DENND2B: variants seen among roughly 807,000 people sequenced by gnomAD.
DENND2B encodes DENN domain containing 2B.
A neutral mutation model predicts 116.0 loss-of-function variants in DENND2B; 32 were observed. That is an observed-to-expected ratio of 0.28 (90% confidence interval 0.21 to 0.37). The LOEUF is 0.37. Among genes scored for constraint, DENND2B ranks in the 10% least tolerant of loss-of-function variants. The pLI is 1.00. For synonymous variants in DENND2B, 588 were observed against 583.9 expected (o/e 1.01, Z -0.10); for missense variants, 1,276 against 1,477.7 (o/e 0.86, Z 2.24).
rs1592827565 is a variant in DENND2B at position 8,729,838 on chromosome 11, G to C, written c.1340+112C>G. On this transcript the variant is annotated intron_variant, in intron 3 of 19. Coordinates refer to ENST00000313726, the MANE Select transcript of DENND2B (RefSeq NM_213618.2). ...CACCTAACAATTATTCAGCACTTCA[G>C]AGCTTACGAAGCACTAATGACTGCG... 5.8e-6 allele frequency: 8 copies of C among 1,381,708 alleles called. No homozygotes were observed. In the East Asian group the frequency reaches 1.8e-4, roughly 32 times the overall value. 85.6% of individuals were successfully genotyped at this position (1,381,708 alleles called of 1,614,324 possible).
chr11:8,720,550 T>C (rs990238301), intron 4 of DENND2B, among the ~76,000 whole-genome samples: 8 of 152,194 alleles, frequency 5.3e-5, no homozygotes, highest in African/African-American at 1.9e-4. Flanking sequence ...TCCTGTCTAA[T>C]GTAACAAAGC....
chr11:8,750,401 T>A (rs922380245), intron 2 of DENND2B, among the ~76,000 whole-genome samples: 1 of 152,206 alleles, frequency 6.6e-6, no homozygotes, highest in East Asian at 1.9e-4. Flanking sequence ...CTTAGAATGC[T>A]AGACACAAAG....
intron 1 of DENND2B, among the ~76,000 whole-genome samples, chr11:8,890,251 T>A (rs993150382): frequency 6.6e-6 from 1 of 152,042 alleles, no homozygotes; most frequent in Non-Finnish European, 1.5e-5. Flanking sequence ...TACGTCACCA[T>A]CATCAAAGAC....
intron 15 of DENND2B, 88 bp from the exon 16 acceptor site, chr11:8,699,062 G>A: frequency 1.3e-6 from 2 of 1,574,682 alleles, no homozygotes; most frequent in South Asian, 1.2e-5. Flanking sequence ...AGGTTCCCAG[G>A]GTCAGCTAAC....
chr11:8,717,572 C>T (rs909037297), intron 5 of DENND2B, among the ~76,000 whole-genome samples, 169 bp downstream of exon 5: 1 of 152,178 alleles, frequency 6.6e-6, no homozygotes, highest in Non-Finnish European at 1.5e-5. Flanking sequence ...GAGGAGACCT[C>T]CTTTATCAGA....
chr11:8,780,124 C>T (rs1160428009), intron 1 of DENND2B, among the ~76,000 whole-genome samples: 1 of 152,204 alleles, frequency 6.6e-6, no homozygotes, highest in African/African-American at 2.4e-5. Flanking sequence ...TCCTTCCATT[C>T]ATACTTACAG....
intron 2 of DENND2B, among the ~76,000 whole-genome samples, chr11:8,879,115 G>A (rs913131807): frequency 7.9e-5 from 12 of 152,158 alleles, no homozygotes; most frequent in East Asian, 1.9e-4. Context: ...GAAGTCTACC[G>A]TTCCAGTCAC....
chr11:8,868,136 G>C (rs1375570121), intron 2 of DENND2B, among the ~76,000 whole-genome samples: 2 of 152,304 alleles, frequency 1.3e-5, no homozygotes, highest in South Asian at 2.1e-4. Context: ...TTCTGATCCA[G>C]AGCAGCCCCG....
At chr11:8,843,600 CAGCT>C (rs2062702840) in intron 3 of DENND2B, among the ~76,000 whole-genome samples, 1 of 152,222 alleles carries the variant, frequency 6.6e-6, no homozygotes, top group Non-Finnish European at 1.5e-5. Flanking sequence ...CCCTTGGCAA[CAGCT>C]ACCTCCACAG....
intron 1 of DENND2B, chr11:8,910,709 A>AGTAGTGTGTGTGT (rs1555224247): frequency 1.4e-5 from 1 of 72,356 alleles, no homozygotes; most frequent in Non-Finnish European, 2.8e-5. Context: ...ACTCCTGGCT[A>AGTAGTGTGTGTGT]GTGTGTGTGT....
chr11:8,901,614 T>C (rs1019671117), intron 1 of DENND2B, among the ~76,000 whole-genome samples: 5 of 152,206 alleles, frequency 3.3e-5, no homozygotes, highest in African/African-American at 1.2e-4. Context: ...GGCACTTCCC[T>C]CTAATCACAG....
chr11:8,809,187 ACCCTTGTGGACCCTCAGG>A (rs890059552), intron 1 of DENND2B: 2 of 152,268 alleles, frequency 1.3e-5, no homozygotes, highest in African/African-American at 4.8e-5. Flanking sequence ...CATGGAGTTC[ACCCTTGTGGACCCTCAGG>A]CCACAACCAC....
Position 8,730,247 on chromosome 11 carries a change from G to T in DENND2B, c.1043C>A (p.Ala348Glu). 1 of 1,609,798 alleles carries T rather than the reference G, an allele frequency of 6.2e-7. No individual in the cohort carries two copies. ...GCCTTCCCTCTCTGGGGGTGGGCCC[G>T]CCTCCCCCGCAACACCAGCCACTCC... is the stretch of plus-strand genomic sequence containing the variant. ...AVGVAGVAGEAGPPPEREGSG... is the reference protein window; with the variant it reads ...AVGVAGVAGEEGPPPEREGSG... The change falls in exon 3 of 20, where the codon GCG (alanine) becomes GAG (glutamate). Residue 348 changes from alanine (A) to glutamate (E), a missense_variant. By Grantham distance (107) the Ala-to-Glu change is moderately radical (BLOSUM62 -1). Transcript: ENST00000313726. The surrounding 1 kb of genome is among the most constrained non-coding windows in gnomAD (Gnocchi z 4.1).
intron 2 of DENND2B, among the ~76,000 whole-genome samples, chr11:8,863,346 T>TCCCAGGTTCACACCATTCACCTGC (rs543669262): frequency 1.2e-5 from 1 of 81,268 alleles, no homozygotes; most frequent in African/African-American, 4.5e-5. Context: ...AAGCTCCACC[T>TCCCAGGTTCACACCATTCACCTGC]CTCAGCCTCC....
chr11:8,766,762 G>T, intron 1 of DENND2B: 2 of 1,127,750 alleles, frequency 1.8e-6, no homozygotes, highest in Non-Finnish European at 2.4e-6. Context: ...GATGTCACAG[G>T]ACTCAACTTT....
In DENND2B at chr11:8,697,598, C is replaced by G. The variant is rs1455547995; in HGVS notation, c.2979G>C (p.Gln993His). 1.2e-6 allele frequency: 2 copies of G among 1,614,212 alleles called. No individual in the cohort carries two copies. The highest frequency in any genetic ancestry group is 1.7e-6 in the Non-Finnish European group (2 of 1,180,006). ...DEDTLLPRKL[Q>H]AALEQALERK... ...TCTCCAGAGCCTGCTCCAGAGCTGC[C>G]TGTAACTTCCTAGGTAACAACGTGT... The change falls in exon 17 of 20, where the codon CAG (glutamine) becomes CAC (histidine). Residue 993 changes from glutamine (Q) to histidine (H), a missense_variant. Transcript: ENST00000313726.
chr11:8,776,981 T>C lies in DENND2B; in HGVS notation c.-25-26256A>G, dbSNP rs868711384. On this transcript the variant is annotated intron_variant, in intron 1 of 19. Coordinates refer to ENST00000313726, the MANE Select transcript of DENND2B (RefSeq NM_213618.2). ...AAAGGGTAATCTGCAATTCTGACCA[T>C]AGGAGTAACTCCACCCTTCCCTCTC... Among the ~76,000 whole-genome samples, 4 of 152,314 alleles carry C rather than the reference T, an allele frequency of 2.6e-5. 1 individual carries two copies. In the Middle Eastern group the frequency reaches 0.01, roughly 389 times the overall value.
At chr11:8,895,820 C>T (rs927981396) in intron 1 of DENND2B, among the ~76,000 whole-genome samples, 25 of 150,774 alleles carry the variant, frequency 1.7e-4, no homozygotes, top group African/African-American at 1.7e-4. Context: ...ATGGGGGTTC[C>T]GCTATGTTGA....
intron 4 of DENND2B, among the ~76,000 whole-genome samples, chr11:8,826,434 C>G (rs558914199): frequency 4.6e-4 from 70 of 152,316 alleles, no homozygotes; most frequent in African/African-American, 1.6e-3. Context: ...AGCAAGGACT[C>G]AGGCTTAAAT....
Sources: allele counts gnomAD v4.1 joint callset (sites outside exome capture counted in the v4.1 genomes callset), GRCh38; gene constraint gnomAD v4.1.1; non-coding constraint Gnocchi (gnomAD v3.1); transcripts MANE v1.5; gene names NCBI Gene and HGNC (gene_info 2026-07-23, HGNC 2026-07-21).